Variants in BTBD1 observed in about 807,000 individuals in gnomAD.
BTBD1 encodes the protein BTB/POZ domain-containing protein 1.
A neutral mutation model predicts 48.0 loss-of-function variants in BTBD1; 34 were observed. That is an observed-to-expected ratio of 0.71 (90% confidence interval 0.54 to 0.94). BTBD1 has a LOEUF of 0.94. Among genes scored for constraint, BTBD1 ranks in the 40% least tolerant of loss-of-function variants. The probability of loss-of-function intolerance (pLI) is 0.00; values close to 1 mark genes in which losing one functional copy is unlikely to be tolerated. For missense variants in BTBD1, 543 were observed against 625.6 expected (o/e 0.87, Z 1.41); for synonymous variants, 261 against 242.1 (o/e 1.08, Z -0.72).
intron 5 of BTBD1, among the ~76,000 whole-genome samples, chr15:83,024,878 A>G (rs1454595819): frequency 1.3e-5 from 2 of 152,182 alleles, no homozygotes; most frequent in Non-Finnish European, 2.9e-5. Context: ...CTGGGATTAC[A>G]GGCGTGAGCC....
In BTBD1 at chr15:83,021,123, T is replaced by A. The variant is rs1162803132; in HGVS notation, c.1056-361A>T. ...ATCTCAAACTACGACAATTATCAATTCAACAAATACTTACTAAGGGCTTAT... is the reference window on the plus strand; with the variant it reads ...ATCTCAAACTACGACAATTATCAATACAACAAATACTTACTAAGGGCTTAT... On this transcript the variant is annotated intron_variant, in intron 5 of 7. Transcript: ENST00000261721. Among the ~76,000 whole-genome samples the A allele has an allele frequency of 4.6e-5, 7 of 152,364 alleles. No individual in the cohort carries two copies. In the South Asian group the frequency reaches 1.4e-3, roughly 32 times the overall value.
At chr15:83,036,103 C>CAAAAAAAAA (rs563839312) in intron 4 of BTBD1, among the ~76,000 whole-genome samples, 12 of 75,078 alleles carry the variant, frequency 1.6e-4, no homozygotes, top group East Asian at 5.7e-4. Context: ...GTATCATTAC[C>CAAAAAAAAA]AAAAAAAAAA....
chr15:83,051,938 G>A (rs1051992519), intron 2 of BTBD1, among the ~76,000 whole-genome samples: 1 of 140,106 alleles, frequency 7.1e-6, no homozygotes, highest in Non-Finnish European at 1.5e-5. Context: ...CTATTTGAGA[G>A]TAAGTTGCAC....
intron 4 of BTBD1, among the ~76,000 whole-genome samples, chr15:83,032,429 G>A (rs951952431): frequency 6.6e-6 from 1 of 151,968 alleles, no homozygotes; most frequent in African/African-American, 2.4e-5. Context: ...ATACTTGCAC[G>A]TACATGTTTA....
intron 2 of BTBD1, among the ~76,000 whole-genome samples, chr15:83,050,722 T>C (rs760049042): frequency 1.3e-5 from 2 of 152,214 alleles, no homozygotes; most frequent in Middle Eastern, 3.4e-3. Context: ...GAGGAGAGAA[T>C]AGGGTACTAG....
chr15:83,039,984 G>GACACACACAC lies in BTBD1; in HGVS notation c.862+1734_862+1743dup, dbSNP rs34590396. Among the ~76,000 whole-genome samples the GACACACACAC allele has an allele frequency of 9.9e-3, 1,441 of 146,196 alleles. 23 individuals are homozygous for GACACACACAC. Among genetic ancestry groups the GACACACACAC allele is most frequent in the African/African-American group, 0.034 (1,347 of 39,746 alleles). ...CAGTGGTAGACTGGGTAGAGAATGTGACACACACACACACACACACACACA... is the reference window on the plus strand; with the variant it reads ...CAGTGGTAGACTGGGTAGAGAATGTGACACACACACACACACACACACACACACACACACA... On this transcript the variant is annotated intron_variant, in intron 4 of 7. Transcript: ENST00000261721.
At chr15:83,045,347 TAGC>T (rs1036146790) in intron 3 of BTBD1, among the ~76,000 whole-genome samples, 29 of 151,998 alleles carry the variant, frequency 1.9e-4, no homozygotes, top group African/African-American at 7.0e-4. Flanking sequence ...ATACAAAAGT[TAGC>T]AGGGCGTGGT....
intron 2 of BTBD1, among the ~76,000 whole-genome samples, chr15:83,051,682 A>C (rs1388896731): frequency 6.6e-6 from 1 of 151,588 alleles, no homozygotes. Context: ...TTTCCCTCAA[A>C]CTATTTTTCA....
In BTBD1 at chr15:83,067,034, G is replaced by A. The variant is rs2033292109; in HGVS notation, c.118C>T (p.Leu40=). 6.3e-7 allele frequency: 1 copy of A among 1,582,146 alleles called. No homozygotes were observed. The highest frequency in any genetic ancestry group is 8.6e-7 in the Non-Finnish European group (1 of 1,166,654). ...CAGTTGTAGAGAGGTTCCCGCTGCA[G>A]GGGGAGCAGGGGCCCCAGAGAGGAC... ...SPSSLGPLLP[L]QREPLYNWQA... Residue 40 remains leucine, a synonymous_variant, in exon 1 of 8, where the codon CTG becomes TTG. Coordinates refer to ENST00000261721, the MANE Select transcript of BTBD1 (RefSeq NM_025238.4).
chr15:83,018,301 T>A, intron 7 of BTBD1, 76 bp from the exon 8 acceptor site: 1 of 1,166,286 alleles, frequency 8.6e-7, no homozygotes, highest in Non-Finnish European at 1.2e-6. Flanking sequence ...TTAATTAGAT[T>A]AATGTTCCAT....
chr15:83,064,397 T>TA (rs1370696369), intron 1 of BTBD1, among the ~76,000 whole-genome samples: 3 of 151,946 alleles, frequency 2.0e-5, no homozygotes, highest in African/African-American at 4.8e-5. Flanking sequence ...TTTAAAAATG[T>TA]AAAAAATGTT....
intron 5 of BTBD1, chr15:83,023,997 T>C (rs2032353834): frequency 6.6e-6 from 1 of 152,190 alleles, no homozygotes; most frequent in Non-Finnish European, 1.5e-5. Context: ...CCCCCACAAG[T>C]AGCTGGGACT....
At chr15:83,058,109 T>G (rs1280532856) in intron 1 of BTBD1, among the ~76,000 whole-genome samples, 1 of 152,238 alleles carries the variant, frequency 6.6e-6, no homozygotes, top group East Asian at 1.9e-4. Context: ...GGCTTTAAAT[T>G]AATTTCCATG....
chr15:83,049,012 C>T (rs761092682), intron 3 of BTBD1, among the ~76,000 whole-genome samples: 2 of 152,318 alleles, frequency 1.3e-5, no homozygotes, highest in Middle Eastern at 3.4e-3. Context: ...ACATAGTGGA[C>T]TTGCCGAGCG....
intron 3 of BTBD1, among the ~76,000 whole-genome samples, chr15:83,046,583 T>G (rs1163990286): frequency 6.6e-6 from 1 of 152,170 alleles, no homozygotes; most frequent in Non-Finnish European, 1.5e-5. Flanking sequence ...ATTTATAAGG[T>G]GTAAGTTACC....
At chr15:83,047,705 C>G (rs1193021134) in intron 3 of BTBD1, among the ~76,000 whole-genome samples, 1 of 152,160 alleles carries the variant, frequency 6.6e-6, no homozygotes, top group Non-Finnish European at 1.5e-5. Flanking sequence ...GACAGAACAA[C>G]AAGAACGAAC....
chr15:83,020,949 A>C, intron 5 of BTBD1, 187 bp from the exon 6 acceptor site: 1 of 488,388 alleles, frequency 2.0e-6, no homozygotes, highest in Non-Finnish European at 3.6e-6. Context: ...ATTTGAACTT[A>C]AGAGGAACCT....
chr15:83,065,145 A>C (rs900597930), intron 1 of BTBD1, among the ~76,000 whole-genome samples: 3 of 150,830 alleles, frequency 2.0e-5, no homozygotes, highest in Non-Finnish European at 4.4e-5. Flanking sequence ...CTACTTCCTC[A>C]CTACTATAAA....
intron 4 of BTBD1, among the ~76,000 whole-genome samples, 166 bp downstream of exon 4, chr15:83,041,562 G>A (rs1340739437): frequency 6.6e-6 from 1 of 151,952 alleles, no homozygotes; most frequent in Non-Finnish European, 1.5e-5. Flanking sequence ...TAGTAGAGAC[G>A]GGGTTTTACC....
Sources: gnomAD v4.1 joint callset for allele counts (sites outside exome capture counted in the v4.1 genomes callset) on GRCh38, gnomAD v4.1.1 for gene constraint, MANE v1.5 for transcripts, NCBI Gene and HGNC (gene_info 2026-07-23, HGNC 2026-07-21) for gene names.